Variants in PRKX observed in about 807,000 individuals in gnomAD.
PRKX encodes protein kinase cAMP-dependent X-linked catalytic subunit.
A neutral mutation model predicts 22.0 loss-of-function variants in PRKX; 12 were observed. The observed-to-expected ratio is 0.54, with a 90% CI of 0.35 to 0.88. The LOEUF is 0.88. PRKX is among the 40% of genes least tolerant of loss of function. The pLI, the probability that PRKX is intolerant of heterozygous loss-of-function variation, is 0.01. For synonymous variants in PRKX, 134 were observed against 137.7 expected, an observed-to-expected ratio of 0.97 and a Z score of 0.19; for missense variants, 217 against 308.0, an observed-to-expected ratio of 0.70 and a Z score of 2.21.
intron 6 of PRKX, among the ~76,000 whole-genome samples, chrX:3,619,347 G>A (rs1926507094): frequency 9.0e-6 from 1 of 111,044 alleles, no homozygotes; most frequent in Non-Finnish European, 1.9e-5. Context: ...AGAGCCTCTA[G>A]CAGGAAGCAG....
chrX:3,649,544 G>C (rs1415922227), intron 3 of PRKX, among the ~76,000 whole-genome samples: 12 of 68,878 alleles, frequency 1.7e-4, no homozygotes, highest in African/African-American at 6.9e-4. Context: ...CAAGAGCAGT[G>C]GTTTAAAATA....
At chrX:3,653,609 A>G (rs780189934) in intron 3 of PRKX, among the ~76,000 whole-genome samples, 17 of 77,269 alleles carry the variant, frequency 2.2e-4, no homozygotes, top group African/African-American at 3.9e-4. Context: ...TATACTATGT[A>G]ATATATATAT....
chrX:3,643,061 G>A (rs1165397674), intron 3 of PRKX, among the ~76,000 whole-genome samples: 1 of 99,598 alleles, frequency 1.0e-5, no homozygotes, highest in African/African-American at 3.8e-5. Context: ...ACTTGTAACT[G>A]AGACTGGATG....
intron 1 of PRKX, among the ~76,000 whole-genome samples, chrX:3,678,591 G>C: frequency 8.9e-6 from 1 of 112,134 alleles, no homozygotes; most frequent in East Asian, 2.8e-4. Context: ...GGATCTTTGC[G>C]CTACCCTGGG....
intron 1 of PRKX, among the ~76,000 whole-genome samples, chrX:3,675,920 C>G (rs1206287016): frequency 2.7e-5 from 3 of 111,256 alleles, no homozygotes; most frequent in African/African-American, 9.8e-5. Flanking sequence ...AATTTTTGTA[C>G]TTTTTGTAAA....
chrX:3,698,939 C>T (rs1301059328), intron 1 of PRKX, among the ~76,000 whole-genome samples: 1 of 106,795 alleles, frequency 9.4e-6, no homozygotes, highest in East Asian at 2.9e-4. Context: ...ACCACACACT[C>T]GCCCACCATC....
intron 5 of PRKX, among the ~76,000 whole-genome samples, chrX:3,623,051 T>C (rs1203630138): frequency 9.2e-6 from 1 of 108,813 alleles, no homozygotes; most frequent in African/African-American, 3.3e-5. Context: ...CAGCTTTAAG[T>C]GTATACGCTA....
intron 1 of PRKX, among the ~76,000 whole-genome samples, chrX:3,691,351 C>T (rs1341997395): frequency 9.0e-6 from 1 of 111,273 alleles, no homozygotes; most frequent in Non-Finnish European, 1.9e-5. Context: ...GAATGTAAAA[C>T]GATGGAACAC....
rs185496648 is a variant in PRKX, at chrX:3,644,346, G to A, written c.600-2375C>T. Among the ~76,000 whole-genome samples the A allele has an allele frequency of 3.3e-5, 3 of 91,568 alleles. No homozygotes were observed. The East Asian group carries it at 1.0e-3, about 32-fold the overall frequency. The allele number at this position is 91,568 out of a possible 115,157, so 79.5% of individuals were successfully genotyped here. On this transcript the variant is annotated intron_variant, in intron 3 of 8. Coordinates refer to ENST00000262848, the MANE Select transcript of PRKX (RefSeq NM_005044.5). ...GAGCCCAGGAGGTCAACACTGCAGG[G>A]AGCATGATAGTGTCACTGTACTCCA...
intron 1 of PRKX, among the ~76,000 whole-genome samples, 187 bp from the exon 2 acceptor site, chrX:3,674,953 T>C (rs1440345245): frequency 1.8e-5 from 2 of 110,840 alleles, no homozygotes; most frequent in African/African-American, 6.6e-5. Context: ...CACCTGGAAT[T>C]TTCCACTGAA....
At chrX:3,677,299 G>T (rs1439686158) in intron 1 of PRKX, among the ~76,000 whole-genome samples, 1 of 104,895 alleles carries the variant, frequency 9.5e-6, no homozygotes, top group Non-Finnish European at 1.9e-5. Flanking sequence ...AATTTGCTTA[G>T]AGGGTAGATC....
chrX:3,604,982 G>C lies in PRKX; in HGVS notation c.*3987C>G, dbSNP rs1367842720. ...AGCAAACTTGATTATGAAAAGGCTT[G>C]GTGAAAATACAGCCCCTCACCTTCA... On this transcript the variant is annotated 3_prime_UTR_variant, in exon 9 of 9. Coordinates refer to ENST00000262848, the MANE Select transcript of PRKX (RefSeq NM_005044.5). 3 of 101,979 alleles carry C rather than the reference G, an allele frequency of 2.9e-5. No individual in the cohort carries two copies. Among genetic ancestry groups the C allele is most frequent in the Non-Finnish European group, 3.9e-5 (2 of 50,781 alleles). 8.4% of individuals were successfully genotyped at this position (101,979 alleles called of 1,213,427 possible).
intron 2 of PRKX, among the ~76,000 whole-genome samples, chrX:3,656,214 G>A (rs749010389): frequency 9.0e-6 from 1 of 111,583 alleles, no homozygotes; most frequent in East Asian, 2.8e-4. Flanking sequence ...GTAGATGGAT[G>A]TCAGGATACG....
chrX:3,665,389 T>A (rs770022979), intron 2 of PRKX, among the ~76,000 whole-genome samples: 3 of 110,673 alleles, frequency 2.7e-5, no homozygotes, highest in Admixed American at 1.9e-4. Flanking sequence ...GTTGGAAGAA[T>A]CGCTTGAACC....
rs1251195243 is a variant in PRKX at position 3,631,707 on chromosome X, G to A, written c.720-5193C>T. On this transcript the variant is annotated intron_variant, in intron 4 of 8. Transcript: ENST00000262848. ...GGCCTTCCTTCTAAGAGACTGAAGA[G>A]GAGACAGAGACATAGAGGAGAAGGC... Among the ~76,000 whole-genome samples the A allele has an allele frequency of 5.1e-4, 57 of 111,173 alleles. No individual in the cohort carries two copies. The Admixed American group carries it at 5.4e-3, about 10-fold the overall frequency.
chrX:3,657,527 C>A (rs757062736), intron 2 of PRKX, among the ~76,000 whole-genome samples: 1 of 112,143 alleles, frequency 8.9e-6, no homozygotes, highest in East Asian at 2.8e-4. Context: ...TTGTTTAATC[C>A]ACACCGTCTA....
At chrX:3,630,777 T>C (rs1189892553) in intron 4 of PRKX, among the ~76,000 whole-genome samples, 1 of 111,162 alleles carries the variant, frequency 9.0e-6, no homozygotes, top group African/African-American at 3.3e-5. Flanking sequence ...TAGGGCAATG[T>C]TGCTAAACTG....
chrX:3,712,283 G>A (rs1010328066), intron 1 of PRKX, among the ~76,000 whole-genome samples: 2 of 111,031 alleles, frequency 1.8e-5, no homozygotes, highest in Admixed American at 9.6e-5. Context: ...AGTGGCACAG[G>A]CGGGCCGATG....
intron 1 of PRKX, among the ~76,000 whole-genome samples, chrX:3,692,755 C>G (rs1928359492): frequency 9.0e-6 from 1 of 111,045 alleles, no homozygotes; most frequent in Admixed American, 9.6e-5. Context: ...TCTCAATCTC[C>G]TGACCTCGTG....
Sources: gnomAD v4.1 joint callset for allele counts (sites outside exome capture counted in the v4.1 genomes callset) on GRCh38, gnomAD v4.1.1 for gene constraint, MANE v1.5 for transcripts, NCBI Gene and HGNC (gene_info 2026-07-23, HGNC 2026-07-21) for gene names.